The following ESRRG variants were observed in gnomAD, a reference collection of about 807,000 sequenced individuals.
ESRRG encodes estrogen related receptor gamma.
A neutral mutation model predicts 44.0 loss-of-function variants in ESRRG; 13 were observed. The observed-to-expected ratio is 0.30, with a 90% CI of 0.19 to 0.47. The LOEUF (loss-of-function observed/expected upper bound fraction) is 0.47. Among genes scored for constraint, ESRRG ranks in the 20% least tolerant of loss-of-function variants. The pLI is 1.00. For synonymous variants in ESRRG, 215 were observed against 214.6 expected (o/e 1.00, Z -0.02); for missense variants, 395 against 580.6 (o/e 0.68, Z 3.29).
intron 3 of ESRRG, among the ~76,000 whole-genome samples, chr1:216,627,013 A>G (rs1028549699): frequency 6.6e-6 from 1 of 152,234 alleles, no homozygotes; most frequent in Non-Finnish European, 1.5e-5. Flanking sequence ...ATTTGTGACC[A>G]CTAAAGTCTA....
At chr1:217,035,319 CAAAA>C (rs397709457) in intron 1 of ESRRG, among the ~76,000 whole-genome samples, 1 of 75,176 alleles carries the variant, frequency 1.3e-5, no homozygotes, top group Non-Finnish European at 2.4e-5. Context: ...GACTCTGTCT[CAAAA>C]AAAAAAAAAA....
At chr1:216,575,328 GATATTGTTAA>G (rs1392230682) in intron 3 of ESRRG, among the ~76,000 whole-genome samples, 1 of 152,026 alleles carries the variant, frequency 6.6e-6, no homozygotes, top group African/African-American at 2.4e-5. Flanking sequence ...AATAGATTAT[GATATTGTTAA>G]ATATGGTTCA....
chr1:216,679,622 AT>A (rs1329064529), intron 1 of ESRRG, among the ~76,000 whole-genome samples: 118 of 98,960 alleles, frequency 1.2e-3, no homozygotes, highest in Admixed American at 1.5e-3. Context: ...TTAATTTGGA[AT>A]TTTTTTTTTC....
chr1:216,727,166 A>G (rs2087705821), upstream of ESRRG, among the ~76,000 whole-genome samples: 1 of 152,202 alleles, frequency 6.6e-6, no homozygotes, highest in Non-Finnish European at 1.5e-5. Context: ...CATTTACTAA[A>G]TATGTAAAAC....
At chr1:216,659,890 C>T (rs2071801975) in intron 2 of ESRRG, among the ~76,000 whole-genome samples, 1 of 152,170 alleles carries the variant, frequency 6.6e-6, no homozygotes, top group Admixed American at 6.6e-5. Flanking sequence ...TCAGAATCCC[C>T]TGTGTCCAAG....
chr1:217,065,043 A>C (rs2089390107), intron 1 of ESRRG, among the ~76,000 whole-genome samples: 1 of 152,202 alleles, frequency 6.6e-6, no homozygotes, highest in Non-Finnish European at 1.5e-5. Flanking sequence ...TGGGGACTCT[A>C]TAGCTCCTTG....
At chr1:217,040,174 AT>A (rs548272771) in intron 1 of ESRRG, among the ~76,000 whole-genome samples, 240 of 152,282 alleles carry the variant, frequency 1.6e-3, no homozygotes, top group African/African-American at 5.6e-3. Context: ...GTTGCTATAC[AT>A]TTTTTTGAAA....
At chr1:216,794,325 TA>T (rs2094414321) in intron 2 of ESRRG, among the ~76,000 whole-genome samples, 1 of 152,210 alleles carries the variant, frequency 6.6e-6, no homozygotes, top group South Asian at 2.1e-4. Flanking sequence ...TATCACTTGG[TA>T]ACTTAAACCG....
At chr1:216,924,453 C>T (rs998464003) in intron 2 of ESRRG, among the ~76,000 whole-genome samples, 32 of 152,012 alleles carry the variant, frequency 2.1e-4, no homozygotes, top group Non-Finnish European at 4.0e-4. Context: ...GGGCCAGTGT[C>T]CAGCAGCCCC....
At chr1:216,819,138 T>C (rs1326532123) in intron 2 of ESRRG, among the ~76,000 whole-genome samples, 1 of 152,182 alleles carries the variant, frequency 6.6e-6, no homozygotes, top group African/African-American at 2.4e-5. Context: ...TATTTCTGCC[T>C]CTAGATCTTT....
chr1:216,599,442 G>C (rs1211298859), intron 3 of ESRRG, among the ~76,000 whole-genome samples: 2 of 151,950 alleles, frequency 1.3e-5, no homozygotes, highest in Non-Finnish European at 2.9e-5. Flanking sequence ...ATCTAATTTT[G>C]AAAATGAATT....
intron 3 of ESRRG, among the ~76,000 whole-genome samples, chr1:216,626,590 G>A (rs2063225945): frequency 6.6e-6 from 1 of 152,200 alleles, no homozygotes; most frequent in Admixed American, 6.5e-5. Context: ...GTGAAATGCA[G>A]CACCATTGAC....
chr1:216,640,256 C>A (rs2066119484), intron 3 of ESRRG, among the ~76,000 whole-genome samples: 1 of 152,158 alleles, frequency 6.6e-6, no homozygotes, highest in African/African-American at 2.4e-5. Flanking sequence ...GGACTCCCCA[C>A]TAGTACCATC....
At chr1:216,816,260 T>C (rs946428993) in intron 2 of ESRRG, among the ~76,000 whole-genome samples, 1 of 152,220 alleles carries the variant, frequency 6.6e-6, no homozygotes, top group Non-Finnish European at 1.5e-5. Flanking sequence ...CAAACCGTGG[T>C]CATTTAATAA....
In ESRRG at chr1:216,778,556, C is replaced by A. The variant is rs189272169; in HGVS notation, c.-13-101065G>T. 5.3e-5 allele frequency among the ~76,000 whole-genome samples: 8 copies of A among 151,964 alleles called. No individual in the cohort carries two copies. The East Asian group carries it at 7.8e-4, about 15-fold the overall frequency. On this transcript the variant is annotated intron_variant, in intron 2 of 7. Transcript: ENST00000359162. ...GCAGTCAAGCAGCAGTCTCTAATTA[C>A]CTTTCTTGGCCCATCGCAGAGGTCA...
intron 1 of ESRRG, among the ~76,000 whole-genome samples, chr1:216,695,956 G>T (rs911906860): frequency 6.6e-6 from 1 of 152,196 alleles, no homozygotes; most frequent in African/African-American, 2.4e-5. Context: ...ACATCCTAAA[G>T]TGTATTTACA....
intron 5 of ESRRG, among the ~76,000 whole-genome samples, chr1:216,556,073 T>G (rs2057484648): frequency 6.6e-6 from 1 of 152,166 alleles, no homozygotes; most frequent in East Asian, 1.9e-4. Context: ...AATCAAGCAT[T>G]TAAGCATATA....
chr1:216,808,503 A>C (rs2148425703), intron 2 of ESRRG, among the ~76,000 whole-genome samples: 1 of 152,238 alleles, frequency 6.6e-6, no homozygotes, highest in African/African-American at 2.4e-5. Context: ...CATGTCTCAC[A>C]GCAGTCTCAA....
intron 2 of ESRRG, among the ~76,000 whole-genome samples, chr1:216,801,198 G>C (rs1386730431): frequency 2.6e-5 from 4 of 152,090 alleles, no homozygotes; most frequent in African/African-American, 9.7e-5. Flanking sequence ...TAGATGTCTA[G>C]ACTTGTTCAT....
Sources: gnomAD v4.1 joint callset for allele counts (sites outside exome capture counted in the v4.1 genomes callset) on GRCh38, gnomAD v4.1.1 for gene constraint, MANE v1.5 for transcripts, NCBI Gene and HGNC (gene_info 2026-07-23, HGNC 2026-07-21) for gene names.